TMEM181: variants seen among roughly 807,000 people sequenced by gnomAD.
TMEM181 encodes the protein transmembrane protein 181.
A neutral mutation model predicts 71.9 loss-of-function variants in TMEM181; 39 were observed. That is an observed-to-expected ratio of 0.54 (90% CI 0.42 to 0.71). TMEM181 has a LOEUF of 0.71. Ranked by LOEUF, TMEM181 falls within the 30% of genes least tolerant of loss-of-function variation. The probability of loss-of-function intolerance (pLI) is 0.00; values close to 1 mark genes in which losing one functional copy is unlikely to be tolerated. For synonymous variants in TMEM181, 245 were observed against 228.8 expected, an observed-to-expected ratio of 1.07 and a Z score of -0.64; for missense variants, 595 against 583.0, an observed-to-expected ratio of 1.02 and a Z score of -0.21.
intron 6 of TMEM181, among the ~76,000 whole-genome samples, chr6:158,604,661 T>C (rs34895403): frequency 0.019 from 2,902 of 152,338 alleles, 30 homozygotes; most frequent in Admixed American, 0.032. Flanking sequence ...CATTCATACT[T>C]AAAGGTTTTA....
chr6:158,630,666 A>G (rs1030756277), intron 15 of TMEM181, among the ~76,000 whole-genome samples: 1 of 151,836 alleles, frequency 6.6e-6, no homozygotes, highest in Non-Finnish European at 1.5e-5. Flanking sequence ...TTATCAGGAC[A>G]TAACCCCATC....
At position 158,562,545 on chromosome 6, in the gene TMEM181, A is replaced by G. The variant is rs771387580; in HGVS notation, c.8+2313A>G. 3.1e-4 allele frequency among the ~76,000 whole-genome samples: 47 copies of G among 151,560 alleles called. 1 individual carries two copies. The highest frequency in any genetic ancestry group is 9.2e-4 in the Admixed American group (14 of 15,210). On this transcript the variant is annotated intron_variant, in intron 1 of 16. Transcript: ENST00000684151. ...TCTTTTTCATCCTGGGGGCATTTCA[A>G]TGTAGAAGTGTATTAATTAGAACCA...
chr6:158,608,227 ATGGGG>A, intron 8 of TMEM181, 101 bp from the exon 9 acceptor site: 2 of 736,438 alleles, frequency 2.7e-6, no homozygotes, highest in South Asian at 4.5e-5. Context: ...CCGCAGAGGT[ATGGGG>A]TGCTCTCTGC....
chr6:158,536,672 G>T, exon 1 of TMEM181: 1 of 1,516,844 alleles, frequency 6.6e-7, no homozygotes, highest in Non-Finnish European at 8.8e-7. Context: ...GGAGAAGAGA[G>T]GGGGCGCAGG....
chr6:158,538,128 C>G (rs1165673794), intron 1 of TMEM181, among the ~76,000 whole-genome samples: 1 of 145,630 alleles, frequency 6.9e-6, no homozygotes, highest in Non-Finnish European at 1.5e-5. Context: ...TCCCCCGTCC[C>G]CCGCCCCCTA....
At chr6:158,608,872 C>A in intron 10 of TMEM181, 122 bp downstream of exon 10, 1 of 898,578 alleles carries the variant, frequency 1.1e-6, no homozygotes, top group Non-Finnish European at 1.7e-6. Context: ...CTGAGGCAGG[C>A]AAGTCACTTG....
At position 158,589,794 on chromosome 6, in the gene TMEM181, A is replaced by C. The variant is rs764845342; in HGVS notation, c.492+12A>C. The C allele has an allele frequency of 6.4e-7, 1 of 1,562,598 alleles. No homozygotes were observed. The highest frequency in any genetic ancestry group is 8.8e-7 in the Non-Finnish European group (1 of 1,133,598). On this transcript the variant is annotated intron_variant, in intron 6 of 16. Coordinates refer to ENST00000684151, the MANE Select transcript of TMEM181 (RefSeq NM_001376852.1). ...GAATGAACTTCACAGTAAGTATACC[A>C]GCTGACTGCACGTTTCCATGGCTCA...
chr6:158,634,039 C>T lies in TMEM181; in HGVS notation c.*2151C>T, dbSNP rs950090295. On this transcript the variant is annotated 3_prime_UTR_variant, in exon 17 of 17. Coordinates refer to ENST00000684151, the MANE Select transcript of TMEM181 (RefSeq NM_001376852.1). ...ACACTAGAACTTTTTAAAACTTTGT[C>T]CTATAGTGTAATTATAAACTGATGA... is the stretch of plus-strand genomic sequence containing the variant. 4 of 152,044 alleles carry T rather than the reference C, an allele frequency of 2.6e-5. No homozygotes were observed. The South Asian group carries it at 8.3e-4, about 32-fold the overall frequency. 9.4% of individuals were successfully genotyped at this position (152,044 alleles called of 1,614,324 possible).
chr6:158,627,264 G>A (rs1022068342), intron 13 of TMEM181, among the ~76,000 whole-genome samples: 1 of 152,084 alleles, frequency 6.6e-6, no homozygotes, highest in African/African-American at 2.4e-5. Flanking sequence ...TCTACTTCTG[G>A]TGGCCTCCGT....
chr6:158,603,278 G>A (rs1457735247), intron 6 of TMEM181, among the ~76,000 whole-genome samples: 1 of 152,182 alleles, frequency 6.6e-6, no homozygotes, highest in Non-Finnish European at 1.5e-5. Flanking sequence ...ATGGACCAGG[G>A]TTGGTTGGGG....
At chr6:158,551,326 G>C (rs1464945336) in intron 1 of TMEM181, among the ~76,000 whole-genome samples, 1 of 151,998 alleles carries the variant, frequency 6.6e-6, no homozygotes, top group Non-Finnish European at 1.5e-5. Flanking sequence ...TCATAAACCT[G>C]TCAGTTTATT....
At chr6:158,575,344 A>C (rs1291855697) in intron 2 of TMEM181, among the ~76,000 whole-genome samples, 1 of 147,586 alleles carries the variant, frequency 6.8e-6, no homozygotes, top group Non-Finnish European at 1.5e-5. Context: ...TGAAGACTGG[A>C]GTCCAGATTC....
Position 158,560,230 on chromosome 6 carries a change from G to A in TMEM181, c.6G>A (p.Glu2=). The part of the protein sequence containing the change: M[E]PLAPMRLYTL... ...CGAGGGCTCTGGGCGCCGAGATGGA[G>A]CCGTGAGTCCCCGGCCGAGCGGGCG... is the stretch of plus-strand genomic sequence containing the variant. The change falls in exon 1 of 17, where the codon GAG becomes GAA. Residue 2 remains glutamate (E), a splice_region_variant and synonymous_variant. Transcript: ENST00000684151. 3.0e-6 allele frequency: 3 copies of A among 984,972 alleles called. No homozygotes were observed. In the South Asian group the frequency reaches 1.4e-4, roughly 46 times the overall value. The allele number at this position is 984,972 out of a possible 1,614,324, so 61.0% of individuals were successfully genotyped here. A position where few individuals can be genotyped will look rare whatever the true frequency, so the allele number is the denominator to read the frequency against.
At chr6:158,592,746 A>G (rs1281684786) in intron 6 of TMEM181, among the ~76,000 whole-genome samples, 1 of 152,082 alleles carries the variant, frequency 6.6e-6, no homozygotes. Flanking sequence ...TGAGACCCCC[A>G]TCTCTAAACA....
rs769535690 is a variant in TMEM181 at position 158,623,597 on chromosome 6, G to A, written c.944G>A (p.Gly315Glu). ...DPMYQYRVDTGNFQGMKVFFM... is the reference protein window; with the variant it reads ...DPMYQYRVDTENFQGMKVFFM... ...ATGTACCAGTATCGAGTTGATACCGGAAATTTTCAGGTAAGGATTGTTAAT... is the reference window on the plus strand; with the variant it reads ...ATGTACCAGTATCGAGTTGATACCGAAAATTTTCAGGTAAGGATTGTTAAT... The change falls in exon 11 of 17, where the codon GGA (glycine) becomes GAA (glutamate). Residue 315 changes from glycine (G) to glutamate (E), a missense_variant. Gly to Glu is a moderately conservative substitution (Grantham distance 98). Coordinates refer to ENST00000684151, the MANE Select transcript of TMEM181 (RefSeq NM_001376852.1). The A allele has an allele frequency of 1.3e-6, 2 of 1,581,800 alleles. No individual in the cohort carries two copies. Among genetic ancestry groups the A allele is most frequent in the South Asian group, 2.4e-5 (2 of 84,170 alleles).
Position 158,611,697 on chromosome 6 carries a change from G to C in TMEM181, c.896+2947G>C, listed in dbSNP as rs969180474. The C allele has an allele frequency of 3.0e-5, 7 of 236,636 alleles. No individual in the cohort carries two copies. In the Admixed American group the frequency reaches 3.0e-4, roughly 10 times the overall value. The allele number at this position is 236,636 out of a possible 1,614,324, so 14.7% of individuals were successfully genotyped here. A position where few individuals can be genotyped will look rare whatever the true frequency, so the allele number is the denominator to read the frequency against. On this transcript the variant is annotated intron_variant, in intron 10 of 16. Transcript: ENST00000684151. Reference sequence around the variant, plus strand: ...GGCGGCCCCGCCCACACCTGTGCCCGAGGAATGCCGGGGAGGAATGTAAGA... The same window carrying C: ...GGCGGCCCCGCCCACACCTGTGCCCCAGGAATGCCGGGGAGGAATGTAAGA...
chr6:158,631,416 G>T, intron 16 of TMEM181, 27 bp downstream of exon 16: 1 of 1,611,834 alleles, frequency 6.2e-7, no homozygotes, highest in Non-Finnish European at 8.5e-7. Flanking sequence ...TAGAAGGCCG[G>T]CACACCTTGG....
At chr6:158,541,307 C>T (rs1781331763) in intron 1 of TMEM181, among the ~76,000 whole-genome samples, 1 of 152,124 alleles carries the variant, frequency 6.6e-6, no homozygotes, top group South Asian at 2.1e-4. Flanking sequence ...ATCCCAGTTA[C>T]TCAGGAGGCT....
upstream of TMEM181, among the ~76,000 whole-genome samples, chr6:158,559,131 A>G (rs1345270777): frequency 6.6e-6 from 1 of 150,972 alleles, no homozygotes; most frequent in Non-Finnish European, 1.5e-5. Context: ...TCTTCCTAAT[A>G]TCCACCTCAC....
Sources: gnomAD v4.1 joint callset for allele counts (sites outside exome capture counted in the v4.1 genomes callset) on GRCh38, gnomAD v4.1.1 for gene constraint, MANE v1.5 for transcripts, NCBI Gene and HGNC (gene_info 2026-07-23, HGNC 2026-07-21) for gene names.